COL4A2: variants seen among roughly 807,000 people sequenced by gnomAD.
The protein encoded by COL4A2 is collagen alpha-2(IV) chain.
COL4A2 carries 99 observed loss-of-function variants against 200.2 expected under a neutral mutation model. The observed-to-expected ratio is 0.49, with a 90% CI of 0.42 to 0.58. The LOEUF (loss-of-function observed/expected upper bound fraction) is 0.58. COL4A2 is among the 20% of genes least tolerant of loss of function. The pLI is 0.00. For synonymous variants in COL4A2, 897 were observed against 900.6 expected (o/e 1.00, Z 0.07); for missense variants, 1,950 against 2,314.1 (o/e 0.84, Z 3.23).
chr13:110,312,093 C>T (rs545563655), intron 3 of COL4A2, among the ~76,000 whole-genome samples: 16 of 152,304 alleles, frequency 1.1e-4, no homozygotes, highest in Non-Finnish European at 1.8e-4. Context: ...GGAGCTGAAG[C>T]GCTATTGCTC....
chr13:110,495,488 C>G, intron 40 of COL4A2, 21 bp downstream of exon 40: 1 of 1,607,414 alleles, frequency 6.2e-7, no homozygotes, highest in Non-Finnish European at 8.5e-7. Context: ...ACATTCCAAG[C>G]CAACATTGCC....
At chr13:110,402,849 TCACA>T (rs35558420) in intron 4 of COL4A2, among the ~76,000 whole-genome samples, 29,940 of 152,154 alleles carry the variant, frequency 0.2, 3,023 homozygotes, top group Middle Eastern at 0.26. Flanking sequence ...GGCCACATTC[TCACA>T]GCTCTTGCAC....
chr13:110,466,858 A>G (rs145472812), intron 26 of COL4A2, among the ~76,000 whole-genome samples, 182 bp from the exon 27 acceptor site: 65 of 152,332 alleles, frequency 4.3e-4, no homozygotes, highest in African/African-American at 1.5e-3. Flanking sequence ...TGATTTCATT[A>G]CACAATGAAA....
At position 110,505,165 on chromosome 13, in the gene COL4A2, A is replaced by G. The variant is rs182635883; in HGVS notation, c.4402+901A>G. 8.7e-3 allele frequency among the ~76,000 whole-genome samples: 1,312 copies of G among 151,524 alleles called. 24 individuals carry two copies. The highest frequency in any genetic ancestry group is 0.03 in the African/African-American group (1,256 of 41,360). On this transcript the variant is annotated intron_variant, in intron 45 of 47. Transcript: ENST00000360467. ...GGAGATCGAGACCATCCTGGCTAAC[A>G]CGGTGAAACCCCGTCTCTACTAAAA...
intron 4 of COL4A2, among the ~76,000 whole-genome samples, chr13:110,387,187 C>T (rs534333248): frequency 2.0e-5 from 3 of 151,930 alleles, no homozygotes; most frequent in South Asian, 2.1e-4. Context: ...TGCAGTGAGC[C>T]GAAATCGCAC....
At chr13:110,338,519 A>T (rs1204300559) in intron 3 of COL4A2, among the ~76,000 whole-genome samples, 1 of 152,206 alleles carries the variant, frequency 6.6e-6, no homozygotes, top group Non-Finnish European at 1.5e-5. Flanking sequence ...CTACTAGAGC[A>T]GGAGGGAGCT....
At chr13:110,400,322 C>CA (rs1310235611) in intron 4 of COL4A2, among the ~76,000 whole-genome samples, 5 of 152,198 alleles carry the variant, frequency 3.3e-5, no homozygotes, top group Admixed American at 2.6e-4. Context: ...ATTTTCTGAA[C>CA]ATTAATTCAC....
At position 110,485,796 on chromosome 13, in the gene COL4A2, C is replaced by G; in HGVS notation, c.3167C>G (p.Pro1056Arg). The part of the protein sequence containing the change: ...GLPGFPGVAG[P>R]PGITGFPGFI... The stretch of plus-strand genomic sequence containing the variant: ...CCAGGATTCCCTGGGGTGGCTGGCC[C>G]CCCTGGAATTACGGGATTCCCAGGA... The change falls in exon 34 of 48, where the codon CCC (proline) becomes CGC (arginine). Residue 1056 changes from proline (P) to arginine (R), a missense_variant. By Grantham distance (103) the Pro-to-Arg change is moderately radical. Transcript: ENST00000360467. 1 of 1,613,808 alleles carries G rather than the reference C, an allele frequency of 6.2e-7. No homozygotes were observed. Among genetic ancestry groups the G allele is most frequent in the Non-Finnish European group, 8.5e-7 (1 of 1,179,916 alleles).
intron 20 of COL4A2, among the ~76,000 whole-genome samples, chr13:110,451,486 C>T (rs543272005): frequency 2.0e-5 from 3 of 152,134 alleles, no homozygotes; most frequent in South Asian, 4.2e-4. Context: ...TGGGAGGCCT[C>T]GGGAAATTTA....
At chr13:110,372,884 A>G (rs1171565360) in intron 4 of COL4A2, among the ~76,000 whole-genome samples, 1 of 152,206 alleles carries the variant, frequency 6.6e-6, no homozygotes, top group African/African-American at 2.4e-5. Flanking sequence ...GGATGTGCAC[A>G]CTGCATGTCA....
At chr13:110,449,925 T>G in intron 19 of COL4A2, 136 bp downstream of exon 19, 2 of 975,070 alleles carry the variant, frequency 2.1e-6, no homozygotes, top group East Asian at 2.6e-5. Flanking sequence ...TTAGCAGCTC[T>G]AAGGAGCCCC....
At chr13:110,342,108 A>G (rs1474635248) in intron 3 of COL4A2, among the ~76,000 whole-genome samples, 2 of 152,204 alleles carry the variant, frequency 1.3e-5, no homozygotes, top group African/African-American at 2.4e-5. Flanking sequence ...AAGATTCGGC[A>G]TAGATGAGCC....
chr13:110,334,339 C>T (rs1876070482), intron 3 of COL4A2, among the ~76,000 whole-genome samples: 1 of 152,170 alleles, frequency 6.6e-6, no homozygotes, highest in South Asian at 2.1e-4. Flanking sequence ...CTGTTGTGAG[C>T]ACCACCACCA....
chr13:110,334,165 C>T (rs908479294), intron 3 of COL4A2, among the ~76,000 whole-genome samples: 1 of 152,246 alleles, frequency 6.6e-6, no homozygotes, highest in Admixed American at 6.5e-5. Context: ...ATATGACGCA[C>T]AGTCAGTGCC....
At chr13:110,455,337 C>T (rs1340639506) in intron 20 of COL4A2, among the ~76,000 whole-genome samples, 1 of 152,156 alleles carries the variant, frequency 6.6e-6, no homozygotes, top group Non-Finnish European at 1.5e-5. Context: ...ACCCTGTCCT[C>T]ACTCTGGAGC....
intron 4 of COL4A2, among the ~76,000 whole-genome samples, chr13:110,361,160 A>C (rs558135653): frequency 2.0e-5 from 3 of 152,366 alleles, no homozygotes; most frequent in African/African-American, 7.2e-5. Context: ...CTACTGTATT[A>C]AAACATTTTT....
At position 110,482,568 on chromosome 13, in the gene COL4A2, A is replaced by C. The variant is rs1449160236; in HGVS notation, c.2811A>C (p.Lys937Asn). 6.2e-7 allele frequency: 1 copy of C among 1,614,178 alleles called. No individual in the cohort carries two copies. Among genetic ancestry groups the C allele is most frequent in the African/African-American group, 1.3e-5 (1 of 75,056 alleles). Residue 937 changes from lysine (K) to asparagine (N), a missense_variant, in exon 32 of 48, where the codon AAA becomes AAC. By Grantham distance (94) the Lys-to-Asn change is moderately conservative (BLOSUM62 0). Coordinates refer to ENST00000360467, the MANE Select transcript of COL4A2 (RefSeq NM_001846.4). ...MDGFQGMPGL[K>N]GRPGFPGSKG... ...GTTTCCAAGGCATGCCTGGACTCAAAGGGAGACCCGGGTTTCCAGGGAGCA... is the reference window on the plus strand; with the variant it reads ...GTTTCCAAGGCATGCCTGGACTCAACGGGAGACCCGGGTTTCCAGGGAGCA...
At chr13:110,362,764 T>C (rs1877574970) in intron 4 of COL4A2, among the ~76,000 whole-genome samples, 1 of 152,218 alleles carries the variant, frequency 6.6e-6, no homozygotes, top group Non-Finnish European at 1.5e-5. Context: ...GTTAATAATA[T>C]AGAAAGCAGT....
chr13:110,319,629 G>A (rs1176280114), intron 3 of COL4A2, among the ~76,000 whole-genome samples: 1 of 152,156 alleles, frequency 6.6e-6, no homozygotes, highest in African/African-American at 2.4e-5. Flanking sequence ...GTTCCCTGAG[G>A]AAGATTCCCG....
Sources: gnomAD v4.1 joint callset for allele counts (sites outside exome capture counted in the v4.1 genomes callset) on GRCh38, gnomAD v4.1.1 for gene constraint, MANE v1.5 for transcripts, NCBI Gene and HGNC (gene_info 2026-07-23, HGNC 2026-07-21) for gene names.